The following YWHAZ variants were observed in gnomAD, a reference collection of about 807,000 sequenced individuals.
YWHAZ encodes the protein 14-3-3 protein zeta/delta.
For synonymous variants in YWHAZ, 87 were observed against 103.6 expected (o/e 0.84, Z 0.97); for missense variants, 79 against 284.8 (o/e 0.28, Z 5.20).
upstream of YWHAZ, chr8:100,952,226 G>A (rs1165116309): frequency 7.6e-6 from 7 of 915,454 alleles, no homozygotes; most frequent in African/African-American, 1.8e-5. Flanking sequence ...AGGGCGAGCG[G>A]AGGCGCGCGC....
chr8:100,929,997 C>T (rs1191932352), intron 2 of YWHAZ, among the ~76,000 whole-genome samples: 1 of 152,140 alleles, frequency 6.6e-6, no homozygotes, highest in East Asian at 1.9e-4. Context: ...TTTCGTTCAC[C>T]TACAATAGTA....
rs1240125714 is a variant in YWHAZ, at chr8:100,948,415, T to C, written c.294+181A>G. ...TTCATAATCATTGTTGCAATTATTT[T>C]ACATACACGTATCTATAATTGTCTT... On this transcript the variant is annotated intron_variant, in intron 2 of 5. Transcript: ENST00000395958. This position sits in a 1 kb window ranked among gnomAD's most constrained non-coding sequence, Gnocchi z 4.2. Among the ~76,000 whole-genome samples, 1 of 152,248 alleles carries C rather than the reference T, an allele frequency of 6.6e-6. No individual in the cohort carries two copies. Among genetic ancestry groups the C allele is most frequent in the Non-Finnish European group, 1.5e-5 (1 of 68,038 alleles).
intron 2 of YWHAZ, among the ~76,000 whole-genome samples, chr8:100,942,785 C>T (rs777941825): frequency 5.3e-5 from 8 of 152,046 alleles, no homozygotes; most frequent in Non-Finnish European, 1.2e-4. Context: ...GGAATGAAAT[C>T]AGCATTTTAG....
In YWHAZ at chr8:100,948,911, G is replaced by GAAAAA; in HGVS notation, c.-11-16_-11-12dup. On this transcript the variant is annotated splice_polypyrimidine_tract_variant and intron_variant, in intron 1 of 5. Transcript: ENST00000395958. The surrounding 1 kb of genome is among the most constrained non-coding windows in gnomAD (Gnocchi z 4.2). Reference sequence around the variant, plus strand: ...CCATGACTGGATGTTCTGCAGGGGGGAAAAAAGGAGTATTTAAAATTTTTC... The same window carrying GAAAAA: ...CCATGACTGGATGTTCTGCAGGGGGGAAAAAAAAAAAGGAGTATTTAAAATTTTTC... 6.5e-7 allele frequency: 1 copy of GAAAAA among 1,548,710 alleles called. No homozygotes were observed. The highest frequency in any genetic ancestry group is 2.1e-5 in the Admixed American group (1 of 48,530).
At chr8:100,926,198 A>ATTT (rs55947914) in intron 2 of YWHAZ, among the ~76,000 whole-genome samples, 12 of 142,030 alleles carry the variant, frequency 8.4e-5, no homozygotes, top group African/African-American at 2.6e-4. Context: ...TCTTCCCCCA[A>ATTT]TTTTTTTTTT....
At chr8:100,952,669 G>C (rs935011023), upstream of YWHAZ, 12 of 542,164 alleles carry the variant, frequency 2.2e-5, no homozygotes, top group Non-Finnish European at 2.6e-5. Context: ...CGGCGGCTCC[G>C]GCATTGTGAT....
rs1430062051 is a variant in YWHAZ at position 100,924,603 on chromosome 8, A to C, written c.419-305T>G. On this transcript the variant is annotated intron_variant, in intron 3 of 5. Transcript: ENST00000395958. The surrounding 1 kb of genome is among the most constrained non-coding windows in gnomAD (Gnocchi z 5.7). The stretch of plus-strand genomic sequence containing the variant: ...CACCTCAGCCTCCAGATTAGCTGGG[A>C]CCAAAGGCTTGCACCACCATGCCCA... 6.6e-6 allele frequency among the ~76,000 whole-genome samples: 1 copy of C among 152,292 alleles called. No individual in the cohort carries two copies. Among genetic ancestry groups the C allele is most frequent in the Non-Finnish European group, 1.5e-5 (1 of 68,020 alleles).
At chr8:100,923,894 C>A in intron 5 of YWHAZ, 61 bp downstream of exon 5, 1 of 1,396,232 alleles carries the variant, frequency 7.2e-7, no homozygotes, top group Non-Finnish European at 9.6e-7. Flanking sequence ...AAAAAATTCC[C>A]TAGAGTAAAA....
intron 2 of YWHAZ, among the ~76,000 whole-genome samples, chr8:100,947,317 CAG>C (rs1162119408): frequency 6.7e-6 from 1 of 150,070 alleles, no homozygotes; most frequent in African/African-American, 2.5e-5. Context: ...AATCACAAAA[CAG>C]ACATTTGTCA....
chr8:100,940,045 A>T (rs1431825547), intron 2 of YWHAZ, among the ~76,000 whole-genome samples: 1 of 145,110 alleles, frequency 6.9e-6, no homozygotes, highest in Admixed American at 7.2e-5. Flanking sequence ...CCTGGGGGAC[A>T]GAGCGAGACT....
chr8:100,945,248 C>G (rs1365266565), intron 2 of YWHAZ, among the ~76,000 whole-genome samples: 2 of 152,194 alleles, frequency 1.3e-5, no homozygotes, highest in Non-Finnish European at 2.9e-5. Context: ...TCTATTTACT[C>G]TTGTAATATG....
intron 2 of YWHAZ, among the ~76,000 whole-genome samples, chr8:100,935,285 T>C (rs1355724223): frequency 1.3e-5 from 2 of 152,264 alleles, no homozygotes; most frequent in Non-Finnish European, 1.5e-5. Context: ...GACTGAATAA[T>C]ATACGCATAA....
intron 5 of YWHAZ, among the ~76,000 whole-genome samples, chr8:100,921,000 T>C (rs940653281): frequency 3.3e-5 from 5 of 152,130 alleles, no homozygotes; most frequent in South Asian, 4.1e-4. Flanking sequence ...CAGGAAAGTT[T>C]TGGTTATCCA....
intron 1 of YWHAZ, chr8:100,951,091 C>G: frequency 2.2e-6 from 2 of 900,990 alleles, no homozygotes; most frequent in Non-Finnish European, 2.7e-6. Context: ...GACCCATCCC[C>G]CACCCCCACC....
At chr8:100,945,258 G>A (rs1436005583) in intron 2 of YWHAZ, among the ~76,000 whole-genome samples, 2 of 152,186 alleles carry the variant, frequency 1.3e-5, no homozygotes, top group Non-Finnish European at 2.9e-5. Flanking sequence ...CTTGTAATAT[G>A]CAACATGGTC....
In YWHAZ at chr8:100,918,408, T is replaced by TTATATATATATATATATATATG. The variant is rs1812800258; in HGVS notation, c.*2284_*2285insCATATATATATATATATATATA. The TTATATATATATATATATATATG allele has an allele frequency of 2.4e-5, 1 of 41,882 alleles. No individual in the cohort carries two copies. Among genetic ancestry groups the TTATATATATATATATATATATG allele is most frequent in the Middle Eastern group, 0.023 (1 of 44 alleles). 2.6% of individuals were successfully genotyped at this position (41,882 alleles called of 1,614,324 possible). A position where few individuals can be genotyped will look rare whatever the true frequency, so the allele number is the denominator to read the frequency against. Reference sequence around the variant, plus strand: ...AGTCTAGCTATAAAATATAATTACTTTATATATATATATATATATATATAT... The same window carrying TTATATATATATATATATATATG: ...AGTCTAGCTATAAAATATAATTACTTTATATATATATATATATATATGTATATATATATATATATATATATAT... On this transcript the variant is annotated 3_prime_UTR_variant, in exon 6 of 6. Coordinates refer to ENST00000395958, the MANE Select transcript of YWHAZ (RefSeq NM_145690.3).
chr8:100,950,444 C>G, intron 1 of YWHAZ: 1 of 985,514 alleles, frequency 1.0e-6, no homozygotes. Flanking sequence ...CGAAAACGGG[C>G]AGACCCGGAC....
chr8:100,934,319 C>T (rs1290742989), intron 2 of YWHAZ, among the ~76,000 whole-genome samples: 3 of 121,762 alleles, frequency 2.5e-5, no homozygotes, highest in South Asian at 3.1e-4. Context: ...GAGGGAGACC[C>T]TATCTTTTTT....
rs139095062 is a variant in YWHAZ, at chr8:100,928,274, C to T, written c.295-3235G>A. Among the ~76,000 whole-genome samples the T allele has an allele frequency of 1.8e-3, 259 of 145,216 alleles. 1 individual carries two copies. The highest frequency in any genetic ancestry group is 5.7e-3 in the African/African-American group (234 of 40,822). On this transcript the variant is annotated intron_variant, in intron 2 of 5. Coordinates refer to ENST00000395958, the MANE Select transcript of YWHAZ (RefSeq NM_145690.3). Reference sequence around the variant, plus strand: ...CAGCCTGGGCAACAGAGTGAGACTCCGTCTCAAAAAAAAAGAGTTGAGAAA... The same window carrying T: ...CAGCCTGGGCAACAGAGTGAGACTCTGTCTCAAAAAAAAAGAGTTGAGAAA...
Sources: gnomAD v4.1 joint callset for allele counts (sites outside exome capture counted in the v4.1 genomes callset) on GRCh38, gnomAD v4.1.1 for gene constraint, Gnocchi (gnomAD v3.1) non-coding constraint, MANE v1.5 for transcripts, NCBI Gene and HGNC (gene_info 2026-07-23, HGNC 2026-07-21) for gene names.